RPS6KA2: variants seen among roughly 807,000 people sequenced by gnomAD.
RPS6KA2 encodes the protein ribosomal protein S6 kinase A2, also known as ribosomal protein S6 kinase alpha-2.
In RPS6KA2, 42 loss-of-function variants were observed where a neutral mutation model predicts 91.8. The ratio of observed to expected loss-of-function variants is 0.46; its 90% CI spans 0.36 to 0.59. The LOEUF is 0.59. RPS6KA2 is among the 20% of genes least tolerant of loss of function. The pLI is 0.00. For missense variants in RPS6KA2, 798 were observed against 978.5 expected (o/e 0.82, Z 2.46); for synonymous variants, 414 against 393.6 (o/e 1.05, Z -0.61).
intron 2 of RPS6KA2, among the ~76,000 whole-genome samples, chr6:166,777,732 T>C (rs1778662840): frequency 6.6e-6 from 1 of 152,228 alleles, no homozygotes; most frequent in Non-Finnish European, 1.5e-5. Flanking sequence ...AATTTATTAA[T>C]TTGAATAAGA....
In RPS6KA2 at chr6:166,625,331, A is replaced by G. The variant is rs6938310; in HGVS notation, c.99+1590T>C. ...CGTTTCCTATTCCCACCACCCCCCC[A>G]CCCCCCCCCCCGCTTGTTTCCCACT... is the stretch of plus-strand genomic sequence containing the variant. On this transcript the variant is annotated intron_variant, in intron 1 of 20. Transcript: ENST00000265678. 5.4e-3 allele frequency among the ~76,000 whole-genome samples: 284 copies of G among 52,622 alleles called. 4 individuals are homozygous for G. The highest frequency in any genetic ancestry group is 9.4e-3 in the Admixed American group (42 of 4,478). 34.5% of individuals were successfully genotyped at this position (52,622 alleles called of 152,430 possible). A position where few individuals can be genotyped will look rare whatever the true frequency, so the allele number is the denominator to read the frequency against.
chr6:166,807,059 C>G (rs1270529910), intron 2 of RPS6KA2, among the ~76,000 whole-genome samples: 1 of 151,984 alleles, frequency 6.6e-6, no homozygotes, highest in African/African-American at 2.4e-5. Flanking sequence ...CAACTAAACA[C>G]AAAAGAAAAC....
At chr6:166,619,789 T>C (rs981330931) in intron 1 of RPS6KA2, among the ~76,000 whole-genome samples, 11 of 152,256 alleles carry the variant, frequency 7.2e-5, no homozygotes, top group Non-Finnish European at 1.5e-4. Context: ...TGTAAAACTA[T>C]TTGGAAGCTA....
chr6:166,824,797 C>CTGTG (rs763140147), intron 2 of RPS6KA2, among the ~76,000 whole-genome samples: 93,921 of 133,176 alleles, frequency 0.71, 32,940 homozygotes, highest in East Asian at 0.92. Flanking sequence ...GTGTGTGTGT[C>CTGTG]TGTGTGTCTA....
At chr6:166,655,697 A>T (rs1787980773) in intron 2 of RPS6KA2, among the ~76,000 whole-genome samples, 1 of 152,266 alleles carries the variant, frequency 6.6e-6, no homozygotes, top group Non-Finnish European at 1.5e-5. Context: ...AATATCTCAT[A>T]GCTAGTAAGA....
intron 2 of RPS6KA2, among the ~76,000 whole-genome samples, chr6:166,659,732 T>C (rs2128557105): frequency 6.6e-6 from 1 of 152,218 alleles, no homozygotes; most frequent in Admixed American, 6.5e-5. Context: ...CTGGACGGCG[T>C]GGTGGCTTGA....
chr6:166,430,521 A>C lies in RPS6KA2; in HGVS notation c.1513T>G (p.Ser505Ala), dbSNP rs1211356934. 3 of 1,614,088 alleles carry C rather than the reference A, an allele frequency of 1.9e-6. No homozygotes were observed. The highest frequency in any genetic ancestry group is 2.5e-6 in the Non-Finnish European group (3 of 1,180,016). Residue 505 changes from serine to alanine, a missense_variant, in exon 16 of 21, where the codon TCG (serine) becomes GCG (alanine). Coordinates refer to ENST00000265678, the MANE Select transcript of RPS6KA2 (RefSeq NM_021135.6). Reference protein sequence around the residue: ...LDRILRQRYFSEREASDVLCT... With the variant: ...LDRILRQRYFAEREASDVLCT... ...AGGACGTCACTGGCTTCGCGCTCCG[A>C]GAAGTATCTCTGCCGGAGGATGCGG...
intron 10 of RPS6KA2, among the ~76,000 whole-genome samples, chr6:166,476,090 T>C (rs567180379): frequency 5.9e-5 from 9 of 152,292 alleles, no homozygotes; most frequent in African/African-American, 2.2e-4. Flanking sequence ...ACTCATCTCC[T>C]ATGACTGCTG....
At chr6:166,744,937 A>G (rs985781285) in intron 2 of RPS6KA2, among the ~76,000 whole-genome samples, 3 of 152,078 alleles carry the variant, frequency 2.0e-5, no homozygotes, top group African/African-American at 7.2e-5. Flanking sequence ...ACTGGGCTGT[A>G]TGAGTCAGCT....
intron 2 of RPS6KA2, among the ~76,000 whole-genome samples, chr6:166,789,220 C>A (rs113692455): frequency 0.049 from 7,505 of 152,308 alleles, 613 homozygotes; most frequent in African/African-American, 0.17. Context: ...TATCCCACAC[C>A]TGGCTCGGAG....
At chr6:166,440,581 A>G (rs1334253097) in intron 14 of RPS6KA2, among the ~76,000 whole-genome samples, 1 of 152,254 alleles carries the variant, frequency 6.6e-6, no homozygotes, top group East Asian at 1.9e-4. Context: ...CTATTTTGGA[A>G]AAATTGGATT....
chr6:166,511,456 G>A (rs569228317), intron 3 of RPS6KA2, among the ~76,000 whole-genome samples: 2 of 152,272 alleles, frequency 1.3e-5, no homozygotes, highest in Admixed American at 6.5e-5. Flanking sequence ...TCTTCTTAGT[G>A]CTCACACTAT....
intron 2 of RPS6KA2, among the ~76,000 whole-genome samples, chr6:166,777,817 A>G (rs1167084610): frequency 1.3e-5 from 2 of 152,176 alleles, no homozygotes; most frequent in African/African-American, 4.8e-5. Flanking sequence ...ATAATTTTAA[A>G]TGATAGCATT....
intron 2 of RPS6KA2, among the ~76,000 whole-genome samples, chr6:166,758,558 G>C (rs978698870): frequency 5.3e-5 from 8 of 152,188 alleles, no homozygotes; most frequent in African/African-American, 1.9e-4. Flanking sequence ...GACACTGGCG[G>C]AGTTTCCTTT....
chr6:166,443,635 C>T (rs942413517), intron 14 of RPS6KA2, among the ~76,000 whole-genome samples: 4 of 152,162 alleles, frequency 2.6e-5, no homozygotes, highest in South Asian at 2.1e-4. Context: ...GTGCCATATT[C>T]GCCACAGTTA....
chr6:166,561,434 T>C (rs1173332673), intron 1 of RPS6KA2, among the ~76,000 whole-genome samples: 1 of 151,830 alleles, frequency 6.6e-6, no homozygotes, highest in Non-Finnish European at 1.5e-5. Context: ...CTCCCTCCTA[T>C]AAAGAAGAAA....
intron 19 of RPS6KA2, among the ~76,000 whole-genome samples, chr6:166,414,274 T>C (rs1391528334): frequency 6.6e-6 from 1 of 152,238 alleles, no homozygotes; most frequent in Non-Finnish European, 1.5e-5. Context: ...GCTGAAATAA[T>C]TAATATTCCA....
intron 1 of RPS6KA2, among the ~76,000 whole-genome samples, chr6:166,579,098 T>G (rs879616123): frequency 7.9e-5 from 12 of 152,320 alleles, no homozygotes; most frequent in Admixed American, 3.9e-4. Context: ...TGAGAAGGCG[T>G]GTCAGTCAAG....
chr6:166,648,153 TAC>T lies in RPS6KA2; in HGVS notation c.124-109371_124-109370del, dbSNP rs3071069. ...ACATACATGCACACACGCACATGGTTACACACCCATGCACACATGCTCACACA... is the reference window on the plus strand; with the variant it reads ...ACATACATGCACACACGCACATGGTTACACCCATGCACACATGCTCACACA... On this transcript the variant is annotated intron_variant, in intron 2 of 21. Transcript: ENST00000503859. This position sits in a 1 kb window ranked among gnomAD's most constrained non-coding sequence, Gnocchi z 4.8. Among the ~76,000 whole-genome samples the T allele has an allele frequency of 7.6e-6, 1 of 132,204 alleles. No homozygotes were observed. Among genetic ancestry groups the T allele is most frequent in the Non-Finnish European group, 1.7e-5 (1 of 60,426 alleles). 86.7% of individuals were successfully genotyped at this position (132,204 alleles called of 152,430 possible).
Sources: gnomAD v4.1 joint callset for allele counts (sites outside exome capture counted in the v4.1 genomes callset) on GRCh38, gnomAD v4.1.1 for gene constraint, Gnocchi (gnomAD v3.1) non-coding constraint, MANE v1.5 for transcripts, NCBI Gene and HGNC (gene_info 2026-07-23, HGNC 2026-07-21) for gene names.